Variants in PCDH11X observed in about 807,000 individuals in gnomAD.
PCDH11X encodes the protein protocadherin-11 X-linked.
A neutral mutation model predicts 53.3 loss-of-function variants in PCDH11X; 18 were observed. That is an observed-to-expected ratio of 0.34 (90% CI 0.23 to 0.50). The LOEUF is 0.50. PCDH11X is among the 20% of genes least tolerant of loss of function. PCDH11X has a pLI of 0.98. For synonymous variants in PCDH11X, 279 were observed against 393.3 expected, an observed-to-expected ratio of 0.71 and a Z score of 3.44; for missense variants, 570 against 1,032.4, an observed-to-expected ratio of 0.55 and a Z score of 6.14.
At chrX:92,258,540 T>G (rs929333718) in intron 7 of PCDH11X, among the ~76,000 whole-genome samples, 5 of 109,850 alleles carry the variant, frequency 4.6e-5, no homozygotes, top group Non-Finnish European at 9.5e-5. Flanking sequence ...GAGAATGTTT[T>G]GTATTTTTAG....
At chrX:92,053,235 G>A (rs184095948) in intron 6 of PCDH11X, among the ~76,000 whole-genome samples, 26 of 110,426 alleles carry the variant, frequency 2.4e-4, no homozygotes, top group African/African-American at 8.5e-4. Flanking sequence ...ACTGGCATAC[G>A]AATACATGCT....
At chrX:92,431,516 T>C (rs981629374) in intron 9 of PCDH11X, among the ~76,000 whole-genome samples, 6 of 110,436 alleles carry the variant, frequency 5.4e-5, no homozygotes, top group Non-Finnish European at 1.1e-4. Flanking sequence ...AATCAAAGCA[T>C]TTGAAAATGT....
chrX:92,603,950 C>A (rs970801730), intron 10 of PCDH11X, among the ~76,000 whole-genome samples: 15 of 106,405 alleles, frequency 1.4e-4, no homozygotes, highest in Non-Finnish European at 2.7e-4. Flanking sequence ...AAGACATATG[C>A]ATCTATATAT....
At chrX:92,209,201 C>G (rs2066535389) in intron 7 of PCDH11X, among the ~76,000 whole-genome samples, 1 of 111,754 alleles carries the variant, frequency 8.9e-6, no homozygotes, top group African/African-American at 3.3e-5. Context: ...GCCTTCCCAG[C>G]AGGCCCCTAA....
intron 8 of PCDH11X, among the ~76,000 whole-genome samples, chrX:92,313,046 C>A (rs1257371680): frequency 1.8e-5 from 2 of 111,587 alleles, no homozygotes. Context: ...TATGTATTAA[C>A]AATTGCCCAT....
At chrX:91,980,815 T>A (rs1169653886) in intron 6 of PCDH11X, among the ~76,000 whole-genome samples, 1 of 109,046 alleles carries the variant, frequency 9.2e-6, no homozygotes, top group Non-Finnish European at 1.9e-5. Flanking sequence ...AAAACTGTAT[T>A]ACTACTTTTA....
chrX:92,140,868 A>T (rs2065167130), intron 6 of PCDH11X, among the ~76,000 whole-genome samples: 1 of 111,717 alleles, frequency 9.0e-6, no homozygotes, highest in East Asian at 2.8e-4. Flanking sequence ...GAATTTATGG[A>T]AATGAAGACA....
chrX:91,926,694 A>C (rs1941960128), intron 6 of PCDH11X, among the ~76,000 whole-genome samples: 2 of 110,885 alleles, frequency 1.8e-5, no homozygotes, highest in South Asian at 3.7e-4. Flanking sequence ...AAAAATTTTT[A>C]GTTCACACAT....
At chrX:92,276,337 A>G (rs1029551205) in intron 8 of PCDH11X, among the ~76,000 whole-genome samples, 1 of 107,286 alleles carries the variant, frequency 9.3e-6, no homozygotes, top group Non-Finnish European at 1.9e-5. Context: ...GTCTTTAGCC[A>G]TTAAGCCAAG....
chrX:92,326,639 T>TATATATATATATAG (rs758088746), intron 8 of PCDH11X, among the ~76,000 whole-genome samples: 3 of 39,311 alleles, frequency 7.6e-5, no homozygotes, highest in African/African-American at 3.4e-4. Context: ...TATATATATA[T>TATATATATATATAG]AGAGAGAGAG....
intron 6 of PCDH11X, among the ~76,000 whole-genome samples, chrX:92,122,897 ACT>A (rs2148181805): frequency 9.0e-6 from 1 of 111,201 alleles, no homozygotes; most frequent in African/African-American, 3.3e-5. Context: ...AGATCATGCC[ACT>A]GCACTCCAGC....
chrX:92,282,272 TTA>T (rs1437869655), intron 8 of PCDH11X, among the ~76,000 whole-genome samples: 4 of 111,873 alleles, frequency 3.6e-5, no homozygotes, highest in Non-Finnish European at 7.5e-5. Flanking sequence ...AGTTCAAGTT[TTA>T]TAGTGTTCAT....
intron 6 of PCDH11X, among the ~76,000 whole-genome samples, chrX:92,161,122 G>A (rs2065635519): frequency 9.0e-6 from 1 of 111,002 alleles, no homozygotes; most frequent in Admixed American, 9.7e-5. Context: ...TGTGAGATTT[G>A]TTCTTTAAAG....
chrX:91,896,271 C>T (rs1171189594), intron 6 of PCDH11X, among the ~76,000 whole-genome samples: 4 of 110,224 alleles, frequency 3.6e-5, no homozygotes, highest in South Asian at 4.0e-4. Flanking sequence ...ACTACAGACA[C>T]GTGCCACCAG....
At chrX:92,602,355 A>G (rs1926333334) in intron 10 of PCDH11X, among the ~76,000 whole-genome samples, 1 of 112,771 alleles carries the variant, frequency 8.9e-6, no homozygotes, top group Non-Finnish European at 1.9e-5. Flanking sequence ...TAGGTTTAGC[A>G]GAGACAATCA....
chrX:92,417,789 G>A (rs145266019), intron 9 of PCDH11X, among the ~76,000 whole-genome samples: 3,095 of 100,126 alleles, frequency 0.031, 115 homozygotes, highest in African/African-American at 0.097. Context: ...TATAGCCGTG[G>A]TCACACACTT....
intron 6 of PCDH11X, among the ~76,000 whole-genome samples, chrX:91,930,472 A>G (rs74631469): frequency 1.0e-5 from 1 of 98,456 alleles, no homozygotes; most frequent in African/African-American, 3.6e-5. Flanking sequence ...AGAGTAAGAG[A>G]AAAAAAAAAA....
At chrX:92,377,052 A>C in intron 8 of PCDH11X, among the ~76,000 whole-genome samples, 1 of 112,046 alleles carries the variant, frequency 8.9e-6, no homozygotes, top group African/African-American at 3.2e-5. Context: ...TCAAGGTGTA[A>C]GTGGAAAGGA....
intron 8 of PCDH11X, among the ~76,000 whole-genome samples, chrX:92,334,306 T>C (rs1014702253): frequency 2.7e-5 from 3 of 111,435 alleles, no homozygotes; most frequent in African/African-American, 9.8e-5. Context: ...AACATAAAGA[T>C]GTAGTATTAA....
Sources: gnomAD v4.1 joint callset for allele counts (sites outside exome capture counted in the v4.1 genomes callset) on GRCh38, gnomAD v4.1.1 for gene constraint, MANE v1.5 for transcripts, NCBI Gene and HGNC (gene_info 2026-07-23, HGNC 2026-07-21) for gene names.